The following SPECC1 variants were observed in gnomAD, a reference collection of about 807,000 sequenced individuals.
The protein encoded by SPECC1 is cytospin-B.
Under a neutral mutation model 104.1 loss-of-function variants are expected in SPECC1, and 62 were observed. The observed-to-expected ratio is 0.60, with a 90% CI of 0.49 to 0.74. The LOEUF is 0.74. SPECC1 is among the 30% of genes least tolerant of loss of function. The pLI, the probability that SPECC1 is intolerant of heterozygous loss-of-function variation, is 0.00. For missense variants in SPECC1, 1,306 were observed against 1,310.5 expected, an observed-to-expected ratio of 1.00 and a Z score of 0.05; for synonymous variants, 513 against 501.6, an observed-to-expected ratio of 1.02 and a Z score of -0.30.
intron 3 of SPECC1, among the ~76,000 whole-genome samples, chr17:20,141,756 C>T (rs554367652): frequency 1.0e-3 from 155 of 152,230 alleles, no homozygotes; most frequent in African/African-American, 3.6e-3. Flanking sequence ...GTTTTTTATC[C>T]GTATAGCTCC....
chr17:20,294,669 A>G (rs74658636), intron 12 of SPECC1, among the ~76,000 whole-genome samples: 17,077 of 75,748 alleles, frequency 0.23, 1,044 homozygotes, highest in East Asian at 0.43. Context: ...GGTACTGATG[A>G]TGGTGGTGGG....
intron 12 of SPECC1, among the ~76,000 whole-genome samples, chr17:20,270,071 C>A (rs796873076): frequency 2.0e-5 from 3 of 152,132 alleles, no homozygotes; most frequent in African/African-American, 7.2e-5. Context: ...TTCACAGAAA[C>A]AGAAAGCAGA....
chr17:20,278,543 G>C (rs2040649722), intron 12 of SPECC1, among the ~76,000 whole-genome samples: 1 of 152,140 alleles, frequency 6.6e-6, no homozygotes. Flanking sequence ...TTATTAATCT[G>C]GTTAAAGGTT....
intron 4 of SPECC1, among the ~76,000 whole-genome samples, chr17:20,215,815 G>A (rs2037450688): frequency 6.6e-6 from 1 of 152,048 alleles, no homozygotes; most frequent in South Asian, 2.1e-4. Flanking sequence ...ATTCTCTTTA[G>A]TCTACAGTCT....
At chr17:20,231,346 T>G (rs117607671) in intron 5 of SPECC1, among the ~76,000 whole-genome samples, 3,676 of 152,296 alleles carry the variant, frequency 0.024, 69 homozygotes, top group Non-Finnish European at 0.038. Context: ...GGAATAAGCA[T>G]TCATGTGCTC....
chr17:20,098,080 C>T (rs891804030), intron 2 of SPECC1, among the ~76,000 whole-genome samples: 1 of 152,164 alleles, frequency 6.6e-6, no homozygotes, highest in African/African-American at 2.4e-5. Context: ...AAATTTGCAT[C>T]TCCAGCTGGG....
intron 9 of SPECC1, among the ~76,000 whole-genome samples, chr17:20,251,801 C>T (rs1427809055): frequency 2.0e-5 from 3 of 152,320 alleles, no homozygotes; most frequent in East Asian, 3.9e-4. Context: ...GGATTTAACT[C>T]ATTTAATCCT....
At chr17:20,206,469 CAT>C (rs1478990031) in intron 4 of SPECC1, among the ~76,000 whole-genome samples, 26 of 152,298 alleles carry the variant, frequency 1.7e-4, no homozygotes, top group South Asian at 1.5e-3. Flanking sequence ...TCATCCTGTA[CAT>C]GTTATTAACT....
At chr17:20,143,910 G>A (rs1297963837) in intron 3 of SPECC1, among the ~76,000 whole-genome samples, 1 of 152,204 alleles carries the variant, frequency 6.6e-6, no homozygotes, top group Non-Finnish European at 1.5e-5. Flanking sequence ...GCCCACCACA[G>A]GGCGTGGGGG....
chr17:20,021,551 T>G (rs942814124), intron 1 of SPECC1, among the ~76,000 whole-genome samples: 9 of 151,816 alleles, frequency 5.9e-5, no homozygotes, highest in Non-Finnish European at 1.2e-4. Context: ...TAGGACTGCC[T>G]GGTCGTGGTG....
intron 1 of SPECC1, among the ~76,000 whole-genome samples, chr17:20,094,660 T>C (rs2047559110): frequency 7.3e-6 from 1 of 137,388 alleles, no homozygotes; most frequent in Admixed American, 7.7e-5. Flanking sequence ...AAGTAAGCCC[T>C]GTAATATCCA....
intron 3 of SPECC1, among the ~76,000 whole-genome samples, chr17:20,121,679 T>C (rs1189095315): frequency 2.6e-5 from 4 of 152,224 alleles, no homozygotes; most frequent in East Asian, 1.9e-4. Flanking sequence ...CCTTTGTGTG[T>C]ATCTCATGTT....
rs537337385 is a variant in SPECC1 at position 20,016,039 on chromosome 17, C to T, written c.-22+6615C>T. On this transcript the variant is annotated intron_variant, in intron 1 of 14. Transcript: ENST00000395527. ...ATCTGGCTAACATGGTGAAACTCCG[C>T]TTCTACTAAAAAAAAAATAAAATAA... Among the ~76,000 whole-genome samples the T allele has an allele frequency of 5.3e-5, 8 of 149,848 alleles. No homozygotes were observed. In the South Asian group the frequency reaches 1.7e-3, roughly 32 times the overall value.
chr17:20,037,716 T>G (rs1641058353), intron 1 of SPECC1, among the ~76,000 whole-genome samples: 1 of 152,152 alleles, frequency 6.6e-6, no homozygotes, highest in African/African-American at 2.4e-5. Flanking sequence ...TGGGCCCAGA[T>G]ATTTGCTTCT....
chr17:20,225,589 G>C (rs2038150190), intron 4 of SPECC1, among the ~76,000 whole-genome samples: 1 of 152,120 alleles, frequency 6.6e-6, no homozygotes, highest in Non-Finnish European at 1.5e-5. Flanking sequence ...CCCTCCCCCG[G>C]GGTGCACAGA....
At chr17:20,299,922 A>G (rs2041511942) in intron 13 of SPECC1, among the ~76,000 whole-genome samples, 1 of 152,208 alleles carries the variant, frequency 6.6e-6, no homozygotes. Context: ...CATGCTGTCT[A>G]ATGCAGGTTC....
At chr17:20,051,124 C>CT (rs1567813534) in intron 1 of SPECC1, among the ~76,000 whole-genome samples, 1 of 119,646 alleles carries the variant, frequency 8.4e-6, no homozygotes, top group Non-Finnish European at 1.8e-5. Flanking sequence ...TTCTTTCTTT[C>CT]TTTCTTTCTT....
At chr17:20,287,272 C>T (rs2040984158) in intron 12 of SPECC1, among the ~76,000 whole-genome samples, 1 of 151,926 alleles carries the variant, frequency 6.6e-6, no homozygotes, top group African/African-American at 2.4e-5. Flanking sequence ...AAAAAATTAG[C>T]CGGGCGCGGT....
chr17:20,298,811 C>T (rs549097521), intron 13 of SPECC1, among the ~76,000 whole-genome samples: 1 of 151,622 alleles, frequency 6.6e-6, no homozygotes, highest in African/African-American at 2.4e-5. Flanking sequence ...TTTCGATTAT[C>T]CCACATCAGG....
Sources: gnomAD v4.1 joint callset for allele counts (sites outside exome capture counted in the v4.1 genomes callset) on GRCh38, gnomAD v4.1.1 for gene constraint, MANE v1.5 for transcripts, NCBI Gene and HGNC (gene_info 2026-07-23, HGNC 2026-07-21) for gene names.